Variants in MAPK4 observed in about 807,000 individuals in gnomAD.
The protein encoded by MAPK4 is mitogen-activated protein kinase 4, also known as Erk3-related.
A neutral mutation model predicts 47.7 loss-of-function variants in MAPK4; 22 were observed. The observed-to-expected ratio is 0.46, with a 90% CI of 0.33 to 0.66. The LOEUF (loss-of-function observed/expected upper bound fraction) is 0.66, where lower values mean the gene tolerates loss of function less well. Among genes scored for constraint, MAPK4 ranks in the 30% least tolerant of loss-of-function variants. The pLI, the probability that MAPK4 is intolerant of heterozygous loss-of-function variation, is 0.02. For synonymous variants in MAPK4, 390 were observed against 365.7 expected (o/e 1.07, Z -0.76); for missense variants, 736 against 831.7 (o/e 0.88, Z 1.42).
At chr18:50,694,408 C>T (rs999617266) in intron 2 of MAPK4, among the ~76,000 whole-genome samples, 1 of 152,168 alleles carries the variant, frequency 6.6e-6, no homozygotes, top group Admixed American at 6.5e-5. Context: ...CTCTCAAAGT[C>T]CTGCTGAGAG....
chr18:50,715,064 A>T lies in MAPK4; in HGVS notation c.547-15A>T, dbSNP rs1204519524. 6.2e-7 allele frequency: 1 copy of T among 1,612,274 alleles called. No individual in the cohort carries two copies. The highest frequency in any genetic ancestry group is 2.2e-5 in the East Asian group (1 of 44,844). On this transcript the variant is annotated splice_polypyrimidine_tract_variant and intron_variant, in intron 2 of 5. Transcript: ENST00000400384. ...AAAATGACTGATCAGTGGAACCAGA[A>T]ATTTTGTCTTTCAGGGTTATCTGTC...
At chr18:50,654,156 A>G (rs2144219004) in intron 1 of MAPK4, among the ~76,000 whole-genome samples, 1 of 152,350 alleles carries the variant, frequency 6.6e-6, no homozygotes, top group African/African-American at 2.4e-5. Context: ...ATCTTTGAGC[A>G]TCCCTGCCAT....
intron 2 of MAPK4, among the ~76,000 whole-genome samples, chr18:50,713,849 A>G (rs1162443582): frequency 3.3e-5 from 5 of 152,208 alleles, no homozygotes; most frequent in Non-Finnish European, 7.3e-5. Flanking sequence ...GGGATGCTCT[A>G]TGATTTCCAG....
intron 1 of MAPK4, among the ~76,000 whole-genome samples, chr18:50,633,587 C>T (rs1046774904): frequency 6.6e-6 from 1 of 152,280 alleles, no homozygotes. Flanking sequence ...GGCTTCCCAC[C>T]GCAGCCACTT....
intron 1 of MAPK4, among the ~76,000 whole-genome samples, 177 bp downstream of exon 1, chr18:50,560,420 G>T (rs1368221897): frequency 6.6e-6 from 1 of 152,124 alleles, no homozygotes; most frequent in Non-Finnish European, 1.5e-5. Flanking sequence ...TTTCCGAGCG[G>T]CGGGGGTCTC....
chr18:50,688,661 T>G (rs941625879), intron 2 of MAPK4, among the ~76,000 whole-genome samples: 2 of 151,960 alleles, frequency 1.3e-5, no homozygotes. Context: ...TTGTATGTTC[T>G]CACTCATAAG....
chr18:50,656,856 C>T (rs1055425090), intron 1 of MAPK4, among the ~76,000 whole-genome samples: 2 of 152,164 alleles, frequency 1.3e-5, no homozygotes, highest in Admixed American at 6.5e-5. Context: ...TTAGACCAAC[C>T]GTGTGCTGAG....
intron 1 of MAPK4, among the ~76,000 whole-genome samples, chr18:50,612,152 A>C (rs1004637491): frequency 2.0e-5 from 3 of 152,120 alleles, no homozygotes; most frequent in African/African-American, 7.2e-5. Flanking sequence ...TATTTTATGG[A>C]TTTTAGAAGA....
intron 1 of MAPK4, among the ~76,000 whole-genome samples, chr18:50,618,302 A>G (rs181070318): frequency 7.7e-4 from 117 of 152,294 alleles, no homozygotes; most frequent in African/African-American, 2.6e-3. Flanking sequence ...TGTTAAAGTC[A>G]GTTCACCCAA....
intron 1 of MAPK4, among the ~76,000 whole-genome samples, chr18:50,583,146 A>C (rs1036370476): frequency 2.0e-5 from 3 of 152,168 alleles, no homozygotes; most frequent in Non-Finnish European, 4.4e-5. Flanking sequence ...AAAGCTCTCA[A>C]CTGAAAGAGG....
intron 1 of MAPK4, among the ~76,000 whole-genome samples, chr18:50,635,542 A>T (rs976550403): frequency 1.3e-5 from 2 of 152,044 alleles, no homozygotes; most frequent in African/African-American, 4.8e-5. Flanking sequence ...CATTCTCCAC[A>T]CTGTAGTCAG....
rs756914628 is a variant in MAPK4, at chr18:50,726,183, C to A, written c.1067+8C>A. Reference sequence around the variant, plus strand: ...GGACACGTGCAGTTCCAGGTGCTCGCAGCCCTGGGTTCCAGAGCCCACATT... The same window carrying A: ...GGACACGTGCAGTTCCAGGTGCTCGAAGCCCTGGGTTCCAGAGCCCACATT... On this transcript the variant is annotated splice_region_variant and intron_variant, in intron 5 of 5. Transcript: ENST00000400384. The A allele has an allele frequency of 3.1e-6, 5 of 1,613,066 alleles. No homozygotes were observed. The highest frequency in any genetic ancestry group is 1.7e-5 in the Admixed American group (1 of 60,006).
intron 1 of MAPK4, among the ~76,000 whole-genome samples, chr18:50,593,469 T>C (rs889439733): frequency 2.6e-5 from 4 of 152,216 alleles, no homozygotes; most frequent in Non-Finnish European, 5.9e-5. Flanking sequence ...TAGCTGTATA[T>C]GCTTCAGCAG....
At chr18:50,704,915 C>T (rs537198375) in intron 2 of MAPK4, 9 of 397,456 alleles carry the variant, frequency 2.3e-5, no homozygotes, top group Admixed American at 4.4e-5. Context: ...TTACCCACTC[C>T]TCAAAAGTGC....
intron 2 of MAPK4, among the ~76,000 whole-genome samples, chr18:50,710,573 C>T (rs1006720719): frequency 7.2e-5 from 11 of 151,804 alleles, no homozygotes; most frequent in Admixed American, 2.0e-4. Flanking sequence ...GTCAGGAGAT[C>T]GAGACCATCC....
chr18:50,602,538 G>A (rs1319194879), intron 1 of MAPK4, among the ~76,000 whole-genome samples: 1 of 152,142 alleles, frequency 6.6e-6, no homozygotes, highest in East Asian at 1.9e-4. Flanking sequence ...CAGGGATGTG[G>A]GCATAACTGA....
At chr18:50,637,747 TC>T (rs916753167) in intron 1 of MAPK4, among the ~76,000 whole-genome samples, 1 of 152,180 alleles carries the variant, frequency 6.6e-6, no homozygotes, top group Non-Finnish European at 1.5e-5. Context: ...GTGGGTTGGT[TC>T]CCCTGGAGGT....
intron 2 of MAPK4, among the ~76,000 whole-genome samples, chr18:50,687,965 G>A (rs1040198506): frequency 1.3e-5 from 2 of 152,160 alleles, no homozygotes; most frequent in Non-Finnish European, 2.9e-5. Flanking sequence ...GACCAGGCAC[G>A]AGGCTGGGTA....
intron 1 of MAPK4, among the ~76,000 whole-genome samples, chr18:50,627,725 T>C (rs1356400927): frequency 6.6e-6 from 1 of 152,194 alleles, no homozygotes; most frequent in African/African-American, 2.4e-5. Context: ...ATCCCTTGGC[T>C]GGTACTGCCT....
Sources: gnomAD v4.1 joint callset for allele counts (sites outside exome capture counted in the v4.1 genomes callset) on GRCh38, gnomAD v4.1.1 for gene constraint, MANE v1.5 for transcripts, NCBI Gene and HGNC (gene_info 2026-07-23, HGNC 2026-07-21) for gene names.